EFHB: variants seen among roughly 807,000 people sequenced by gnomAD.
EFHB encodes the protein EF-hand domain-containing family member B.
A neutral mutation model predicts 87.2 loss-of-function variants in EFHB; 91 were observed. The ratio of observed to expected loss-of-function variants is 1.04; its 90% CI spans 0.88 to 1.24. EFHB has a LOEUF of 1.24. EFHB is among the 50% of genes most tolerant of loss of function. EFHB has a pLI of 0.00. For synonymous variants in EFHB, 325 were observed against 333.6 expected, an observed-to-expected ratio of 0.97 and a Z score of 0.28; for missense variants, 1,084 against 998.8, an observed-to-expected ratio of 1.09 and a Z score of -1.15.
intron 12 of EFHB, among the ~76,000 whole-genome samples, chr3:19,881,695 T>C (rs1163618669): frequency 6.6e-6 from 1 of 152,166 alleles, no homozygotes; most frequent in African/African-American, 2.4e-5. Flanking sequence ...CTGGGATGCA[T>C]CTGCCATTAA....
At chr3:19,924,770 A>G (rs946064936) in intron 1 of EFHB, among the ~76,000 whole-genome samples, 52 of 152,286 alleles carry the variant, frequency 3.4e-4, no homozygotes, top group African/African-American at 1.2e-3. Context: ...CATTTCTCCA[A>G]GGAGCTTAAT....
intron 10 of EFHB, among the ~76,000 whole-genome samples, chr3:19,887,394 A>G (rs1694142405): frequency 1.3e-5 from 2 of 151,968 alleles, no homozygotes; most frequent in African/African-American, 2.4e-5. Flanking sequence ...AAAAAAAAAA[A>G]AAAAAAAGGA....
At chr3:19,919,326 A>C (rs1164589881) in intron 3 of EFHB, among the ~76,000 whole-genome samples, 1 of 149,722 alleles carries the variant, frequency 6.7e-6, no homozygotes, top group East Asian at 2.0e-4. Context: ...CCTCCCGAGT[A>C]GCTGGGATTA....
intron 1 of EFHB, among the ~76,000 whole-genome samples, chr3:19,923,967 C>T (rs750108597): frequency 6.6e-6 from 1 of 152,090 alleles, no homozygotes. Context: ...CATGGTGGCC[C>T]ATGCCTATCA....
intron 1 of EFHB, among the ~76,000 whole-genome samples, chr3:19,944,403 C>A (rs1696225565): frequency 6.6e-6 from 1 of 152,156 alleles, no homozygotes; most frequent in Non-Finnish European, 1.5e-5. Flanking sequence ...TTTGTACCTT[C>A]CTTAACAAGT....
chr3:19,885,147 G>C (rs1206541326), intron 10 of EFHB, among the ~76,000 whole-genome samples: 2 of 151,844 alleles, frequency 1.3e-5, no homozygotes, highest in Non-Finnish European at 2.9e-5. Flanking sequence ...ACTTGAATCA[G>C]GGAGGCAATG....
At chr3:19,939,231 CCT>C (rs1452831831) in intron 1 of EFHB, among the ~76,000 whole-genome samples, 12 of 151,948 alleles carry the variant, frequency 7.9e-5, no homozygotes, top group Admixed American at 2.0e-4. Flanking sequence ...TGCTTTTGCC[CCT>C]GTTGTCCCCC....
rs1344933970 is a variant in EFHB at position 19,899,527 on chromosome 3, G to A, written c.1419-12C>T. The A allele has an allele frequency of 1.3e-6, 2 of 1,588,340 alleles. No individual in the cohort carries two copies. Among genetic ancestry groups the A allele is most frequent in the African/African-American group, 2.7e-5 (2 of 73,762 alleles). ...TAGCTCCTCTTTTCCTGCAAAATTA[G>A]AACATTATCAGGTATCTCTATTACC... On this transcript the variant is annotated splice_polypyrimidine_tract_variant and intron_variant, in intron 6 of 12. Coordinates refer to ENST00000295824, the MANE Select transcript of EFHB (RefSeq NM_144715.4).
At chr3:19,908,584 GAGAGAGAGAGAGAGAGAA>G (rs1298577823) in intron 5 of EFHB, among the ~76,000 whole-genome samples, 26 of 96,468 alleles carry the variant, frequency 2.7e-4, no homozygotes, top group African/African-American at 9.7e-4. Context: ...GAGAGAGAGA[GAGAGAGAGAGAGAGAGAA>G]AGAAAGAAAG....
chr3:19,923,279 A>G (rs915883994), intron 1 of EFHB, among the ~76,000 whole-genome samples: 1 of 151,996 alleles, frequency 6.6e-6, no homozygotes, highest in African/African-American at 2.4e-5. Flanking sequence ...AAAGGAAAAA[A>G]AAAAAAAGCC....
intron 5 of EFHB, among the ~76,000 whole-genome samples, chr3:19,908,591 AG>A (rs1559459701): frequency 0.044 from 5,137 of 117,488 alleles, 130 homozygotes; most frequent in Middle Eastern, 0.061. Flanking sequence ...AGAGAGAGAG[AG>A]AGAGAGAGAA....
intron 10 of EFHB, among the ~76,000 whole-genome samples, chr3:19,886,233 C>G (rs1346553038): frequency 6.6e-6 from 1 of 152,098 alleles, no homozygotes; most frequent in Non-Finnish European, 1.5e-5. Flanking sequence ...AGGGAAGATT[C>G]TGATGCTTTC....
Position 19,934,105 on chromosome 3 carries a change from C to T in EFHB, c.-87G>A. On this transcript the variant is annotated 5_prime_UTR_variant, in exon 1 of 13. Transcript: ENST00000295824. ...CTGGCTACAAAGACGCCTCCAATCCCTTGCGGAACCCCTCTCTCAGGAAAG... is the reference window on the plus strand; with the variant it reads ...CTGGCTACAAAGACGCCTCCAATCCTTTGCGGAACCCCTCTCTCAGGAAAG... The T allele has an allele frequency of 2.7e-6, 4 of 1,475,012 alleles. No individual in the cohort carries two copies. Among genetic ancestry groups the T allele is most frequent in the Non-Finnish European group, 3.6e-6 (4 of 1,118,898 alleles). The allele number at this position is 1,475,012 out of a possible 1,614,324, so 91.4% of individuals were successfully genotyped here. A position where few individuals can be genotyped will look rare whatever the true frequency, so the allele number is the denominator to read the frequency against.
intron 9 of EFHB, among the ~76,000 whole-genome samples, chr3:19,892,685 T>A (rs1483875422): frequency 6.6e-6 from 1 of 152,104 alleles, no homozygotes; most frequent in African/African-American, 2.4e-5. Flanking sequence ...TGGTTGAGTA[T>A]ACTTCTCAAA....
chr3:19,936,551 G>A (rs1696026427), upstream of EFHB, among the ~76,000 whole-genome samples: 1 of 151,970 alleles, frequency 6.6e-6, no homozygotes, highest in African/African-American at 2.4e-5. Context: ...GTGATACAGT[G>A]AGATCCTGTC....
At chr3:19,915,458 C>T (rs757435535) in intron 4 of EFHB, 45 bp from the exon 5 acceptor site, 43 of 1,304,610 alleles carry the variant, frequency 3.3e-5, no homozygotes, top group Non-Finnish European at 1.5e-5. Context: ...ACTTTTTAAC[C>T]TATTTATAAT....
chr3:19,898,215 T>G (rs2931383), intron 8 of EFHB, among the ~76,000 whole-genome samples: 74,325 of 152,130 alleles, frequency 0.49, 20,302 homozygotes, highest in African/African-American at 0.75. Flanking sequence ...TTGATCAACT[T>G]ACTGGCTAGC....
intron 12 of EFHB, among the ~76,000 whole-genome samples, chr3:19,881,210 A>C (rs1318402546): frequency 6.6e-6 from 1 of 152,210 alleles, no homozygotes; most frequent in Non-Finnish European, 1.5e-5. Flanking sequence ...AGGCCCCTGC[A>C]GAGTGAGCTC....
intron 3 of EFHB, among the ~76,000 whole-genome samples, chr3:19,919,535 A>G (rs2929363): frequency 0.44 from 66,475 of 151,946 alleles, 15,352 homozygotes; most frequent in African/African-American, 0.59. Flanking sequence ...GTCTAACACA[A>G]CCTGACAGTA....
Sources: allele counts gnomAD v4.1 joint callset (sites outside exome capture counted in the v4.1 genomes callset), GRCh38; gene constraint gnomAD v4.1.1; transcripts MANE v1.5; gene names NCBI Gene and HGNC (gene_info 2026-07-23, HGNC 2026-07-21).